Variants in SFI1 observed in about 807,000 individuals in gnomAD.
SFI1 encodes the protein SFI1 centrin binding protein.
SFI1 carries 195 observed loss-of-function variants against 207.5 expected under a neutral mutation model. The observed-to-expected ratio is 0.94, with a 90% CI of 0.84 to 1.06. SFI1 has a LOEUF of 1.06. Ranked by LOEUF, SFI1 falls within the 50% of genes least tolerant of loss-of-function variation. SFI1 has a pLI of 0.00. For synonymous variants in SFI1, 630 were observed against 598.9 expected, an observed-to-expected ratio of 1.05 and a Z score of -0.76; for missense variants, 1,634 against 1,588.0, an observed-to-expected ratio of 1.03 and a Z score of -0.49.
chr22:31,609,618 G>C (rs1194098126), intron 22 of SFI1, among the ~76,000 whole-genome samples: 1 of 152,218 alleles, frequency 6.6e-6, no homozygotes, highest in African/African-American at 2.4e-5. Flanking sequence ...CGACTGTAGC[G>C]TGTGTGTTAA....
chr22:31,597,917 C>T (rs916871264), intron 15 of SFI1, among the ~76,000 whole-genome samples: 5 of 151,126 alleles, frequency 3.3e-5, no homozygotes, highest in East Asian at 1.9e-4. Flanking sequence ...TTATTTTAAT[C>T]GAGATAAAAT....
intron 27 of SFI1, 120 bp downstream of exon 27, chr22:31,613,975 T>C (rs1411678643): frequency 1.5e-5 from 20 of 1,323,684 alleles, no homozygotes; most frequent in Non-Finnish European, 2.0e-5. Flanking sequence ...TTGTCACAGC[T>C]GAGCTGCTGG....
In SFI1 at chr22:31,575,350, A is replaced by C. The variant is rs746875409; in HGVS notation, c.1042A>C (p.Arg348=). The change falls in exon 10 of 33, where the codon AGG becomes CGG. Residue 348 remains arginine (R), a synonymous_variant. Coordinates refer to ENST00000400288, the MANE Select transcript of SFI1 (RefSeq NM_001007467.3). Reference sequence around the variant, plus strand: ...CCATGCCCAGGTGGAGAAACTGGCCAGGAAGATGGCCCTGCGGCGCGCCTT... The same window carrying C: ...CCATGCCCAGGTGGAGAAACTGGCCCGGAAGATGGCCCTGCGGCGCGCCTT... ...AHHAQVEKLA[R]KMALRRAFTH... 2 of 1,612,762 alleles carry C rather than the reference A, an allele frequency of 1.2e-6. No homozygotes were observed. The highest frequency in any genetic ancestry group is 1.7e-6 in the Non-Finnish European group (2 of 1,179,594).
At chr22:31,612,004 T>C in intron 24 of SFI1, 164 bp downstream of exon 24, 2 of 1,419,816 alleles carry the variant, frequency 1.4e-6, no homozygotes, top group Non-Finnish European at 1.8e-6. Context: ...TCCAGGCACA[T>C]CAGCTTCCTT....
At chr22:31,511,561 A>G (rs907373118) in intron 2 of SFI1, among the ~76,000 whole-genome samples, 3 of 142,224 alleles carry the variant, frequency 2.1e-5, no homozygotes, top group Admixed American at 1.6e-4. Flanking sequence ...TCTGCCTCCC[A>G]GTTCAAGCAA....
At chr22:31,568,200 GTGTGTGTGTGTATATATATATA>G (rs2062561014) in intron 8 of SFI1, among the ~76,000 whole-genome samples, 5 of 139,080 alleles carry the variant, frequency 3.6e-5, no homozygotes, top group African/African-American at 1.4e-4. Context: ...TGTGTTGTGT[GTGTGTGTGTGTATATATATATA>G]TATATTTTTT....
intron 11 of SFI1, among the ~76,000 whole-genome samples, chr22:31,579,210 CAT>C (rs2063821958): frequency 6.6e-6 from 1 of 152,076 alleles, no homozygotes; most frequent in African/African-American, 2.4e-5. Context: ...GTGTTAAAAT[CAT>C]AGCTTGCTGC....
chr22:31,534,913 G>C (rs2058834843), intron 4 of SFI1, among the ~76,000 whole-genome samples: 1 of 145,096 alleles, frequency 6.9e-6, no homozygotes, highest in Admixed American at 7.0e-5. Flanking sequence ...TCACCCTGTT[G>C]CCCAGGCTGG....
In SFI1 at chr22:31,608,044, C is replaced by G; in HGVS notation, c.2254+11C>G. 2 of 1,610,752 alleles carry G rather than the reference C, an allele frequency of 1.2e-6. No individual in the cohort carries two copies. ...AGGTGCTGGACAGGGGTAAGTGGGG[C>G]CCCAGAAGCAAGTCATGTTGAGGAA... is the stretch of plus-strand genomic sequence containing the variant. On this transcript the variant is annotated intron_variant, in intron 22 of 32. Coordinates refer to ENST00000400288, the MANE Select transcript of SFI1 (RefSeq NM_001007467.3).
intron 15 of SFI1, among the ~76,000 whole-genome samples, chr22:31,592,852 G>T (rs1160731185): frequency 7.3e-6 from 1 of 137,536 alleles, no homozygotes; most frequent in Non-Finnish European, 1.6e-5. Flanking sequence ...TGGCCAGGCG[G>T]GGGGGCTGAC....
At chr22:31,546,819 C>G (rs1415932752) in intron 4 of SFI1, 42 bp from the exon 5 acceptor site, 6 of 1,349,070 alleles carry the variant, frequency 4.4e-6, no homozygotes, top group Non-Finnish European at 6.2e-6. Flanking sequence ...GATGTTAGCT[C>G]CAACATCATC....
intron 8 of SFI1, among the ~76,000 whole-genome samples, chr22:31,566,839 T>C (rs1190275043): frequency 1.3e-5 from 2 of 152,204 alleles, no homozygotes; most frequent in Non-Finnish European, 2.9e-5. Context: ...TTGTCTTAAT[T>C]GTTCTTCTGT....
rs1230860897 is a variant in SFI1 at position 31,496,592 on chromosome 22, G to T, written c.-76G>T. 6.6e-6 allele frequency: 1 copy of T among 152,276 alleles called. No individual in the cohort carries two copies. Among genetic ancestry groups the T allele is most frequent in the East Asian group, 1.9e-4 (1 of 5,178 alleles). The allele number at this position is 152,276 out of a possible 1,614,324, so 9.4% of individuals were successfully genotyped here. On this transcript the variant is annotated 5_prime_UTR_variant, in exon 1 of 33. Coordinates refer to ENST00000400288, the MANE Select transcript of SFI1 (RefSeq NM_001007467.3). The stretch of plus-strand genomic sequence containing the variant: ...AGCAGGTCCCGGATCGCCGTATACC[G>T]CCGGGTTTTCTCCCAACGTCAGGCC...
At chr22:31,515,892 C>T (rs563146580) in intron 2 of SFI1, among the ~76,000 whole-genome samples, 1 of 151,988 alleles carries the variant, frequency 6.6e-6, no homozygotes, top group Admixed American at 6.6e-5. Flanking sequence ...CACGCACCAC[C>T]ATGTCTGGCT....
intron 22 of SFI1, among the ~76,000 whole-genome samples, chr22:31,609,372 C>T (rs2069659634): frequency 6.6e-6 from 1 of 152,176 alleles, no homozygotes; most frequent in Non-Finnish European, 1.5e-5. Context: ...TTGCAAGATG[C>T]ACAGACACGC....
rs1314305427 is a variant in SFI1 at position 31,591,753 on chromosome 22, G to A, written c.1544+2176G>A. On this transcript the variant is annotated intron_variant, in intron 15 of 32. Transcript: ENST00000400288. The stretch of plus-strand genomic sequence containing the variant: ...AGAGGCGCCCCTCACCTCCCGGACG[G>A]GGCGGCTGGCTGGGCGGGGGGGCTG... Among the ~76,000 whole-genome samples the A allele has an allele frequency of 1.0e-4, 6 of 58,550 alleles. 1 individual carries two copies. In the South Asian group the frequency reaches 2.3e-3, roughly 22 times the overall value. The allele number at this position is 58,550 out of a possible 152,430, so 38.4% of individuals were successfully genotyped here.
chr22:31,601,702 G>T (rs573172089), intron 15 of SFI1, among the ~76,000 whole-genome samples: 1 of 152,202 alleles, frequency 6.6e-6, no homozygotes, highest in African/African-American at 2.4e-5. Flanking sequence ...CCTGGAAAAT[G>T]TTGGCCTTTT....
At chr22:31,543,932 T>C (rs1005357263) in intron 4 of SFI1, among the ~76,000 whole-genome samples, 13 of 152,112 alleles carry the variant, frequency 8.5e-5, no homozygotes, top group Admixed American at 5.2e-4. Flanking sequence ...CTCATGCTTG[T>C]AATCCCAGCA....
At chr22:31,527,003 T>A (rs927126972) in intron 2 of SFI1, among the ~76,000 whole-genome samples, 5 of 152,098 alleles carry the variant, frequency 3.3e-5, no homozygotes, top group Admixed American at 2.6e-4. Context: ...TTCAAGCGAT[T>A]CTCCTGCCTC....
Sources: allele counts gnomAD v4.1 joint callset (sites outside exome capture counted in the v4.1 genomes callset), GRCh38; gene constraint gnomAD v4.1.1; transcripts MANE v1.5; gene names NCBI Gene and HGNC (gene_info 2026-07-23, HGNC 2026-07-21).